Variants in ME3 observed in about 807,000 individuals in gnomAD.
ME3 encodes the protein NADP-dependent malic enzyme, mitochondrial.
Under a neutral mutation model 68.9 loss-of-function variants are expected in ME3, and 48 were observed. That is an observed-to-expected ratio of 0.70 (90% confidence interval 0.55 to 0.89). The LOEUF is 0.89. Ranked by LOEUF, ME3 falls within the 40% of genes least tolerant of loss-of-function variation. ME3 has a pLI of 0.00. For missense variants in ME3, 675 were observed against 797.4 expected (o/e 0.85, Z 1.85); for synonymous variants, 320 against 318.8 (o/e 1.00, Z -0.04).
At chr11:86,448,033 TA>T (rs1231243617) in intron 11 of ME3, 116 bp downstream of exon 11, 1 of 678,246 alleles carries the variant, frequency 1.5e-6, no homozygotes, top group Non-Finnish European at 2.6e-6. Context: ...GCACATGGGA[TA>T]GGGGAAAGAG....
intron 6 of ME3, among the ~76,000 whole-genome samples, chr11:86,494,973 A>T (rs1044301602): frequency 1.3e-5 from 2 of 152,234 alleles, no homozygotes; most frequent in African/African-American, 4.8e-5. Flanking sequence ...ACACAAATGC[A>T]ACATTGTGGG....
intron 2 of ME3, among the ~76,000 whole-genome samples, chr11:86,646,025 A>G (rs1944988789): frequency 6.6e-6 from 1 of 152,162 alleles, no homozygotes. Flanking sequence ...AAAAGAACGA[A>G]CGCTCAAAAA....
At chr11:86,609,374 C>T (rs1318167827) in intron 2 of ME3, among the ~76,000 whole-genome samples, 1 of 152,128 alleles carries the variant, frequency 6.6e-6, no homozygotes, top group Non-Finnish European at 1.5e-5. Flanking sequence ...TACATGTGTC[C>T]TGAGTATGTC....
intron 8 of ME3, among the ~76,000 whole-genome samples, chr11:86,462,157 A>T (rs1474927159): frequency 6.6e-6 from 1 of 152,250 alleles, no homozygotes; most frequent in East Asian, 1.9e-4. Context: ...ATCCTTGAAC[A>T]ACATGGGGTT....
At chr11:86,519,972 G>T (rs930415950) in intron 4 of ME3, among the ~76,000 whole-genome samples, 3 of 152,244 alleles carry the variant, frequency 2.0e-5, no homozygotes, top group African/African-American at 7.2e-5. Context: ...GTTAGTGGTG[G>T]TTCACTCATA....
At chr11:86,491,468 C>T (rs1262599971) in intron 6 of ME3, among the ~76,000 whole-genome samples, 1 of 152,186 alleles carries the variant, frequency 6.6e-6, no homozygotes, top group Non-Finnish European at 1.5e-5. Context: ...GGAATGAGTT[C>T]AGAGGAAAGG....
At chr11:86,486,144 A>G (rs908905130) in intron 7 of ME3, among the ~76,000 whole-genome samples, 4 of 152,168 alleles carry the variant, frequency 2.6e-5, no homozygotes, top group African/African-American at 9.7e-5. Context: ...CTCCCTGTGG[A>G]TGATTTTCTG....
intron 2 of ME3, among the ~76,000 whole-genome samples, chr11:86,625,074 C>T (rs1055916653): frequency 4.6e-5 from 7 of 152,100 alleles, no homozygotes; most frequent in Non-Finnish European, 8.8e-5. Context: ...CTTCTGTTTT[C>T]AGTACTTTTA....
intron 2 of ME3, among the ~76,000 whole-genome samples, chr11:86,597,100 G>C (rs1959615828): frequency 6.6e-6 from 1 of 152,246 alleles, no homozygotes. Context: ...GCTGTAAGCA[G>C]ATTAGGTAAT....
At position 86,448,138 on chromosome 11, in the gene ME3, C is replaced by T. The variant is rs760694931; in HGVS notation, c.1237+12G>A. On this transcript the variant is annotated intron_variant, in intron 11 of 14. Coordinates refer to ENST00000543262, the Ensembl canonical transcript of ME3. ...AGCTGGGCTGGGTAGTGGGTACCCT[C>T]CCTCCTCCTACCTATGATGGCTGTG... The T allele has an allele frequency of 5.0e-6, 8 of 1,587,866 alleles. No homozygotes were observed. The highest frequency in any genetic ancestry group is 2.2e-5 in the East Asian group (1 of 44,774).
chr11:86,521,288 C>G (rs1594273666), intron 4 of ME3, among the ~76,000 whole-genome samples: 1 of 151,868 alleles, frequency 6.6e-6, no homozygotes, highest in Non-Finnish European at 1.5e-5. Context: ...CCAGCTACTT[C>G]AGAGGCTGAG....
chr11:86,651,607 CA>C (rs1467774132), intron 2 of ME3, among the ~76,000 whole-genome samples: 1 of 152,152 alleles, frequency 6.6e-6, no homozygotes, highest in African/African-American at 2.4e-5. Context: ...TCACCATCAT[CA>C]AAGACGAAAA....
chr11:86,662,445 T>A (rs887676049), intron 2 of ME3, among the ~76,000 whole-genome samples: 4 of 151,990 alleles, frequency 2.6e-5, no homozygotes, highest in South Asian at 2.1e-4. Flanking sequence ...ATTTTTTTTT[T>A]ATTTAGCTGT....
At chr11:86,465,023 G>T in intron 8 of ME3, 68 bp downstream of exon 8, 1 of 1,287,978 alleles carries the variant, frequency 7.8e-7, no homozygotes, top group Non-Finnish European at 1.1e-6. Flanking sequence ...TCACCCCTTT[G>T]GCATCCCAGT....
chr11:86,441,218 A>G (rs1948976156), exon 15 of ME3: 1 of 1,405,114 alleles, frequency 7.1e-7, no homozygotes, highest in East Asian at 2.5e-5. Context: ...TTTGGAACCC[A>G]TTTATATTGT....
chr11:86,662,700 A>T (rs1188918539), intron 2 of ME3, among the ~76,000 whole-genome samples: 2 of 152,218 alleles, frequency 1.3e-5, no homozygotes, highest in African/African-American at 2.4e-5. Flanking sequence ...ACATATATAA[A>T]CTACTTAGAA....
At chr11:86,671,852 G>A (rs1594855172) in exon 2 of ME3, 1 of 1,584,712 alleles carries the variant, frequency 6.3e-7, no homozygotes, top group Non-Finnish European at 8.6e-7. Context: ...GGCAGCCTTG[G>A]GCGGGCGCGG....
chr11:86,555,493 C>T lies in ME3; in HGVS notation c.467+1060G>A, dbSNP rs145152877. 3.6e-3 allele frequency among the ~76,000 whole-genome samples: 546 copies of T among 152,198 alleles called. 2 individuals carry two copies. The highest frequency in any genetic ancestry group is 6.8e-3 in the Middle Eastern group (2 of 294). ...TGTTATGGAGCCCTGGCATAGTGAG[C>T]CTCTATAGGTTTGCAAAAGCTTAGC... On this transcript the variant is annotated intron_variant, in intron 4 of 14. Transcript: ENST00000543262.
chr11:86,521,145 T>G (rs1393561077), intron 4 of ME3, among the ~76,000 whole-genome samples: 1 of 152,162 alleles, frequency 6.6e-6, no homozygotes, highest in Non-Finnish European at 1.5e-5. Context: ...ATCCCAGCAC[T>G]TTGGGAGGCC....
Sources: allele counts gnomAD v4.1 joint callset (sites outside exome capture counted in the v4.1 genomes callset), GRCh38; gene constraint gnomAD v4.1.1; transcripts MANE v1.5; gene names NCBI Gene and HGNC (gene_info 2026-07-23, HGNC 2026-07-21).